The following TRPM7 variants were observed in gnomAD, a reference collection of about 807,000 sequenced individuals.
TRPM7 encodes the protein transient receptor potential cation channel subfamily M member 7.
Under a neutral mutation model 229.7 loss-of-function variants are expected in TRPM7, and 134 were observed. That is an observed-to-expected ratio of 0.58 (90% CI 0.51 to 0.67). The LOEUF (loss-of-function observed/expected upper bound fraction) is 0.67, where lower values mean the gene tolerates loss of function less well. Ranked by LOEUF, TRPM7 falls within the 30% of genes least tolerant of loss-of-function variation. TRPM7 has a pLI of 0.00. For missense variants in TRPM7, 1,901 were observed against 2,210.0 expected, an observed-to-expected ratio of 0.86 and a Z score of 2.80; for synonymous variants, 699 against 715.2, an observed-to-expected ratio of 0.98 and a Z score of 0.36.
intron 20 of TRPM7, 32 bp downstream of exon 20, chr15:50,607,167 TA>T (rs1566995708): frequency 5.0e-6 from 8 of 1,587,922 alleles, no homozygotes; most frequent in Non-Finnish European, 3.4e-6. Flanking sequence ...ATGTATACAG[TA>T]AATTATTGGT....
chr15:50,639,714 G>C (rs542967245), intron 5 of TRPM7, among the ~76,000 whole-genome samples, 166 bp from the exon 6 acceptor site: 1 of 151,088 alleles, frequency 6.6e-6, no homozygotes, highest in East Asian at 1.9e-4. Flanking sequence ...CTACAGGTGC[G>C]TGCTAAGACA....
chr15:50,684,188 T>C (rs2062306158), intron 1 of TRPM7, among the ~76,000 whole-genome samples: 1 of 149,510 alleles, frequency 6.7e-6, no homozygotes, highest in South Asian at 2.3e-4. Context: ...AGTCTCACTC[T>C]GTCACCCAGG....
At chr15:50,572,987 T>A (rs1015586929) in intron 36 of TRPM7, among the ~76,000 whole-genome samples, 8 of 152,212 alleles carry the variant, frequency 5.3e-5, no homozygotes, top group African/African-American at 1.7e-4. Context: ...CAATTTAACT[T>A]CCTTTGACTC....
At chr15:50,604,833 C>A in intron 21 of TRPM7, 33 bp downstream of exon 21, 1 of 1,515,630 alleles carries the variant, frequency 6.6e-7, no homozygotes, top group Non-Finnish European at 8.8e-7. Context: ...AATCAATAAA[C>A]CCACGAGTAT....
At chr15:50,635,221 G>T (rs959771340) in intron 7 of TRPM7, among the ~76,000 whole-genome samples, 1 of 150,420 alleles carries the variant, frequency 6.6e-6, no homozygotes, top group African/African-American at 2.4e-5. Flanking sequence ...GGAGGGCTGA[G>T]GCAGGAGAAT....
intron 20 of TRPM7, 145 bp downstream of exon 20, chr15:50,607,055 G>T: frequency 3.4e-6 from 2 of 589,924 alleles, no homozygotes; most frequent in Non-Finnish European, 5.5e-6. Context: ...ATTATTTTGG[G>T]AACAGCAAAA....
chr15:50,682,393 C>T (rs1413620246), intron 1 of TRPM7, among the ~76,000 whole-genome samples: 1 of 151,772 alleles, frequency 6.6e-6, no homozygotes, highest in African/African-American at 2.4e-5. Context: ...GCCTGGCCAA[C>T]ATGGTGAAAC....
intron 3 of TRPM7, among the ~76,000 whole-genome samples, chr15:50,654,700 T>A (rs1435207232): frequency 6.6e-6 from 1 of 150,758 alleles, no homozygotes; most frequent in Non-Finnish European, 1.5e-5. Flanking sequence ...ATGTATGAAA[T>A]GAAAATTCAC....
intron 23 of TRPM7, 88 bp from the exon 24 acceptor site, chr15:50,594,701 C>T (rs1223830051): frequency 4.5e-6 from 4 of 897,292 alleles, no homozygotes; most frequent in African/African-American, 3.4e-5. Flanking sequence ...TAATTCTGTA[C>T]TAAATAATAA....
At chr15:50,685,024 C>A (rs984878852) in intron 1 of TRPM7, among the ~76,000 whole-genome samples, 1 of 152,080 alleles carries the variant, frequency 6.6e-6, no homozygotes, top group Admixed American at 6.6e-5. Flanking sequence ...ATAAAGTATC[C>A]ATAAATGACA....
chr15:50,575,981 C>A, intron 31 of TRPM7, 62 bp from the exon 32 acceptor site: 1 of 1,495,716 alleles, frequency 6.7e-7, no homozygotes, highest in Non-Finnish European at 9.2e-7. Flanking sequence ...AAAATTTTAA[C>A]CCGGATAATC....
intron 36 of TRPM7, among the ~76,000 whole-genome samples, chr15:50,573,052 ATTTC>A (rs1290110073): frequency 2.0e-5 from 3 of 151,998 alleles, no homozygotes; most frequent in Non-Finnish European, 2.9e-5. Context: ...TGCAGTCACC[ATTTC>A]TTTTTTTTCT....
intron 3 of TRPM7, among the ~76,000 whole-genome samples, chr15:50,656,042 C>T (rs912748598): frequency 6.7e-6 from 1 of 150,022 alleles, no homozygotes; most frequent in Non-Finnish European, 1.5e-5. Flanking sequence ...AATAAAATAA[C>T]ACAACCCAGA....
chr15:50,652,040 A>G (rs2061434133), intron 3 of TRPM7, among the ~76,000 whole-genome samples: 1 of 151,992 alleles, frequency 6.6e-6, no homozygotes, highest in Non-Finnish European at 1.5e-5. Context: ...TATGATAAAG[A>G]AAACAGAATG....
In TRPM7 at chr15:50,637,452, T is replaced by C. The variant is rs1307168393; in HGVS notation, c.802A>G (p.Lys268Glu). The C allele has an allele frequency of 6.2e-7, 1 of 1,611,834 alleles. No individual in the cohort carries two copies. The highest frequency in any genetic ancestry group is 2.2e-5 in the East Asian group (1 of 44,856). Residue 268 changes from lysine (K) to glutamate (E), a missense_variant, in exon 7 of 39, where the codon AAA becomes GAA. Lys to Glu is a moderately conservative substitution (Grantham distance 56). This residue lies in a region of TRPM7 where 794 missense variants were observed against 881.9 expected (regional missense o/e 0.90). Coordinates refer to ENST00000646667, the MANE Select transcript of TRPM7 (RefSeq NM_017672.6). ...AEVRLRRELE[K>E]TINQQRIHAR... ...TGAATTCTTTGCTGATTAATAGTTT[T>C]TTCAAGTTCTCTTCTCAGTCTGACT...
At chr15:50,678,425 ACT>A (rs1251727488) in intron 1 of TRPM7, among the ~76,000 whole-genome samples, 33 of 150,008 alleles carry the variant, frequency 2.2e-4, no homozygotes, top group African/African-American at 8.1e-4. Flanking sequence ...ATAAGCTGGC[ACT>A]CTCTGACTTC....
At chr15:50,629,009 T>C (rs990518843) in intron 10 of TRPM7, among the ~76,000 whole-genome samples, 31 of 152,202 alleles carry the variant, frequency 2.0e-4, no homozygotes, top group African/African-American at 7.5e-4. Context: ...CCCTTATATA[T>C]ACTTAGGTAA....
chr15:50,677,493 C>T (rs1399676287), intron 1 of TRPM7, among the ~76,000 whole-genome samples: 1 of 152,188 alleles, frequency 6.6e-6, no homozygotes, highest in East Asian at 1.9e-4. Context: ...ATAATCCCAG[C>T]ACTTTGGGAG....
At chr15:50,604,726 T>C (rs2059877580) in intron 21 of TRPM7, 140 bp downstream of exon 21, 3 of 786,590 alleles carry the variant, frequency 3.8e-6, no homozygotes, top group Non-Finnish European at 6.0e-6. Flanking sequence ...TCTTAAGGAA[T>C]GGCAGATGTG....
Sources: gnomAD v4.1 joint callset for allele counts (sites outside exome capture counted in the v4.1 genomes callset) on GRCh38, gnomAD v4.1.1 for gene constraint, gnomAD v4.1.1 regional missense constraint, MANE v1.5 for transcripts, NCBI Gene and HGNC (gene_info 2026-07-23, HGNC 2026-07-21) for gene names.